The following PALD1 variants were observed in gnomAD, a reference collection of about 807,000 sequenced individuals.
PALD1 encodes paladin.
Under a neutral mutation model 96.0 loss-of-function variants are expected in PALD1, and 57 were observed. That is an observed-to-expected ratio of 0.59 (90% CI 0.48 to 0.74). The LOEUF is 0.74. PALD1 is among the 30% of genes least tolerant of loss of function. PALD1 has a pLI of 0.00. For missense variants in PALD1, 1,063 were observed against 1,143.7 expected (o/e 0.93, Z 1.02); for synonymous variants, 464 against 473.6 (o/e 0.98, Z 0.26).
At position 70,541,130 on chromosome 10, in the gene PALD1, G is replaced by T. The variant is rs61857083; in HGVS notation, c.1937G>T (p.Arg646Leu). Residue 646 changes from arginine (R) to leucine (L), a missense_variant, in exon 16 of 20, where the codon CGG (arginine) becomes CTG (leucine). Physicochemically the swap from Arg to Leu is moderately radical, Grantham distance 102 (BLOSUM62 -2). Coordinates refer to ENST00000263563, the MANE Select transcript of PALD1 (RefSeq NM_014431.3). ...EDFDQLLEALRAALSKDPGTG... is the reference protein window; with the variant it reads ...EDFDQLLEALLAALSKDPGTG... ...TTTGACCAGCTGCTGGAGGCCCTGC[G>T]GGCCGCCCTCTCCAAGGACCCAGGC... The T allele has an allele frequency of 1.9e-6, 3 of 1,612,992 alleles. No individual in the cohort carries two copies. The highest frequency in any genetic ancestry group is 3.3e-5 in the Admixed American group (2 of 59,724).
chr10:70,481,208 G>A (rs955628188), intron 1 of PALD1, among the ~76,000 whole-genome samples: 2 of 152,212 alleles, frequency 1.3e-5, no homozygotes, highest in Non-Finnish European at 2.9e-5. Context: ...GTGAGCTCCT[G>A]GGGGGCACAG....
At chr10:70,535,674 C>T (rs1847100508) in intron 10 of PALD1, among the ~76,000 whole-genome samples, 1 of 120,458 alleles carries the variant, frequency 8.3e-6, no homozygotes, top group African/African-American at 2.6e-5. Context: ...CCTCCTTCTC[C>T]TTTCTTCTCC....
intron 1 of PALD1, among the ~76,000 whole-genome samples, chr10:70,512,072 CT>C: frequency 6.6e-6 from 1 of 152,154 alleles, no homozygotes; most frequent in Middle Eastern, 3.2e-3. Context: ...GGACAGAGCC[CT>C]CATGGCCTAA....
intron 18 of PALD1, among the ~76,000 whole-genome samples, chr10:70,556,598 G>A (rs1847617358): frequency 6.6e-6 from 1 of 152,112 alleles, no homozygotes; most frequent in South Asian, 2.1e-4. Flanking sequence ...GATTACAGGT[G>A]TGAGCCACCA....
chr10:70,539,410 C>T lies in PALD1; in HGVS notation c.1725+163C>T, dbSNP rs1327793284. ...CCAACTCAGGATTCCCACTAAAGTG[C>T]TCTGCTAACCTGCTTGGCTTTGGGG... On this transcript the variant is annotated intron_variant, in intron 14 of 19. Coordinates refer to ENST00000263563, the MANE Select transcript of PALD1 (RefSeq NM_014431.3). This position sits in a 1 kb window ranked among gnomAD's most constrained non-coding sequence, Gnocchi z 4.5. 6.6e-6 allele frequency among the ~76,000 whole-genome samples: 1 copy of T among 152,126 alleles called. No homozygotes were observed. Among genetic ancestry groups the T allele is most frequent in the Non-Finnish European group, 1.5e-5 (1 of 68,000 alleles).
upstream of PALD1, among the ~76,000 whole-genome samples, chr10:70,475,241 T>G (rs998907632): frequency 6.6e-6 from 1 of 152,184 alleles, no homozygotes; most frequent in Non-Finnish European, 1.5e-5. Flanking sequence ...CCCTTGTCTT[T>G]AGGATTGCAC....
chr10:70,511,144 T>C (rs1846509632), intron 1 of PALD1, among the ~76,000 whole-genome samples: 1 of 152,196 alleles, frequency 6.6e-6, no homozygotes, highest in Non-Finnish European at 1.5e-5. Context: ...ATGTGATCAC[T>C]GAGGGTCAAA....
In PALD1 at chr10:70,534,300, C is replaced by T. The variant is rs538746627; in HGVS notation, c.1023-125C>T. 1.2e-4 allele frequency: 91 copies of T among 771,068 alleles called. No individual in the cohort carries two copies. In the East Asian group the frequency reaches 2.1e-3, roughly 18 times the overall value. 47.8% of individuals were successfully genotyped at this position (771,068 alleles called of 1,614,324 possible). A position where few individuals can be genotyped will look rare whatever the true frequency, so the allele number is the denominator to read the frequency against. ...TTGGGGAAATGTCCCCTGCTTCCCA[C>T]AATGTGATTCAGAAGGAACCTGTAG... On this transcript the variant is annotated intron_variant, in intron 8 of 19. Transcript: ENST00000263563.
chr10:70,474,611 G>C (rs1845800634), upstream of PALD1, among the ~76,000 whole-genome samples: 2 of 152,062 alleles, frequency 1.3e-5, no homozygotes, highest in African/African-American at 4.8e-5. Flanking sequence ...GCATTTTTTT[G>C]TGAATAACAC....
At chr10:70,499,936 A>T (rs1241135721) in intron 1 of PALD1, among the ~76,000 whole-genome samples, 1 of 151,922 alleles carries the variant, frequency 6.6e-6, no homozygotes, top group Non-Finnish European at 1.5e-5. Context: ...TATGGCAGTG[A>T]CTCTTTGTCA....
At chr10:70,556,075 T>C (rs1339110221) in intron 18 of PALD1, among the ~76,000 whole-genome samples, 1 of 151,962 alleles carries the variant, frequency 6.6e-6, no homozygotes, top group Non-Finnish European at 1.5e-5. Flanking sequence ...TAATGTGTCT[T>C]GGGAGCAGGG....
the PALD1 span, among the ~76,000 whole-genome samples, chr10:70,468,041 A>T: frequency 6.6e-6 from 1 of 152,172 alleles, no homozygotes; most frequent in South Asian, 2.1e-4. Context: ...CCCATTTTAC[A>T]GATGAAGAGA....
chr10:70,473,425 CAG>C, the PALD1 span, among the ~76,000 whole-genome samples: 2 of 152,316 alleles, frequency 1.3e-5, no homozygotes, highest in East Asian at 3.9e-4. Context: ...CTCCCTCAGA[CAG>C]GGGCCAGCTG....
At chr10:70,469,240 C>A in the PALD1 span, among the ~76,000 whole-genome samples, 1 of 152,162 alleles carries the variant, frequency 6.6e-6, no homozygotes, top group South Asian at 2.1e-4. Context: ...AACATTCTAC[C>A]GTGGCCTTAA....
At chr10:70,508,129 C>T (rs753596863) in intron 1 of PALD1, among the ~76,000 whole-genome samples, 16 of 152,202 alleles carry the variant, frequency 1.1e-4, no homozygotes, top group Non-Finnish European at 2.4e-4. Context: ...ACGGAAGAAA[C>T]AGCAGCATCT....
chr10:70,562,028 C>T (rs912732574), intron 18 of PALD1, among the ~76,000 whole-genome samples: 1 of 152,246 alleles, frequency 6.6e-6, no homozygotes, highest in African/African-American at 2.4e-5. Context: ...GTGTAGTGGT[C>T]CCTCCCTGCT....
At chr10:70,459,815 C>G in the PALD1 span, among the ~76,000 whole-genome samples, 492 of 152,242 alleles carry the variant, frequency 3.2e-3, 1 homozygote, top group Admixed American at 4.8e-3. Flanking sequence ...CACGTACTCC[C>G]CCTCAGCCAC....
At chr10:70,505,603 T>TCAAAACAAAA (rs71472970) in intron 1 of PALD1, among the ~76,000 whole-genome samples, 1 of 150,008 alleles carries the variant, frequency 6.7e-6, no homozygotes, top group African/African-American at 2.5e-5. Flanking sequence ...AAACTCTGTC[T>TCAAAACAAAA]CAAAACAAAA....
At chr10:70,492,613 C>T (rs993499619) in intron 1 of PALD1, among the ~76,000 whole-genome samples, 6 of 151,906 alleles carry the variant, frequency 3.9e-5, no homozygotes, top group African/African-American at 1.2e-4. Context: ...CCTGCCACCA[C>T]GCCTGGCTAA....
Sources: allele counts gnomAD v4.1 joint callset (sites outside exome capture counted in the v4.1 genomes callset), GRCh38; gene constraint gnomAD v4.1.1; non-coding constraint Gnocchi (gnomAD v3.1); transcripts MANE v1.5; gene names NCBI Gene and HGNC (gene_info 2026-07-23, HGNC 2026-07-21).